HTRA1: variants seen among roughly 807,000 people sequenced by gnomAD.
HTRA1 encodes the protein HtrA serine peptidase 1, also known as serine protease HTRA1.
HTRA1 carries 26 observed loss-of-function variants against 49.7 expected under a neutral mutation model. The ratio of observed to expected loss-of-function variants is 0.52; its 90% CI spans 0.38 to 0.73. HTRA1 has a LOEUF of 0.73. HTRA1 is among the 30% of genes least tolerant of loss of function. HTRA1 has a pLI of 0.00. For synonymous variants in HTRA1, 291 were observed against 286.9 expected, an observed-to-expected ratio of 1.01 and a Z score of -0.14; for missense variants, 561 against 667.2, an observed-to-expected ratio of 0.84 and a Z score of 1.75.
At chr10:122,509,920 G>A (rs1055150238) in intron 6 of HTRA1, among the ~76,000 whole-genome samples, 176 bp from the exon 7 acceptor site, 2 of 152,166 alleles carry the variant, frequency 1.3e-5, no homozygotes, top group African/African-American at 2.4e-5. Context: ...GAAACAATGG[G>A]ACTTTCCCAA....
At chr10:122,486,872 TTG>T (rs753089216) in intron 1 of HTRA1, among the ~76,000 whole-genome samples, 1 of 151,904 alleles carries the variant, frequency 6.6e-6, no homozygotes, top group Admixed American at 6.6e-5. Context: ...ATGTGACAGT[TTG>T]TGTGTAAATG....
intron 3 of HTRA1, among the ~76,000 whole-genome samples, chr10:122,497,573 C>T (rs544337333): frequency 3.0e-4 from 45 of 152,186 alleles, no homozygotes; most frequent in East Asian, 1.2e-3. Flanking sequence ...CCATGACAGC[C>T]GGGAGATACA....
At chr10:122,471,011 T>G (rs531169406) in intron 1 of HTRA1, among the ~76,000 whole-genome samples, 1 of 152,240 alleles carries the variant, frequency 6.6e-6, no homozygotes, top group Admixed American at 6.5e-5. Flanking sequence ...GTCCAGAACA[T>G]CAGCATCCCA....
At chr10:122,478,391 G>GGTTTT (rs1565415429) in intron 1 of HTRA1, among the ~76,000 whole-genome samples, 1 of 36,700 alleles carries the variant, frequency 2.7e-5, no homozygotes, top group Non-Finnish European at 5.1e-5. Flanking sequence ...GAGTTTGACA[G>GGTTTT]ATTTTTTTTT....
intron 1 of HTRA1, among the ~76,000 whole-genome samples, chr10:122,484,641 G>A (rs116281947): frequency 0.01 from 1,572 of 152,306 alleles, 36 homozygotes; most frequent in African/African-American, 0.036. Context: ...TTCATATACA[G>A]TAGATCATGA....
intron 1 of HTRA1, among the ~76,000 whole-genome samples, chr10:122,474,989 C>G (rs1473936125): frequency 1.3e-5 from 2 of 152,184 alleles, no homozygotes; most frequent in Non-Finnish European, 2.9e-5. Context: ...GAAGAGGCAT[C>G]TTTTCCCAGT....
chr10:122,498,740 C>T (rs780074071), intron 3 of HTRA1, among the ~76,000 whole-genome samples: 7 of 152,224 alleles, frequency 4.6e-5, no homozygotes, highest in East Asian at 1.9e-4. Context: ...GCATGTGACC[C>T]GTGTACTCAC....
Position 122,489,493 on chromosome 10 carries a change from TC to T in HTRA1, c.645del (p.Ile215MetfsTer2). ...TTTATTGTGTCGGAAGATGGACTGA[TC>T]GTGACAAATGCCCACGTGGTGACCA... ...SGFIVSEDGL[I>X]VTNAHVVTNK... On this transcript the variant is annotated frameshift_variant, in exon 3 of 9. Coordinates refer to ENST00000368984, the MANE Select transcript of HTRA1 (RefSeq NM_002775.5). LOFTEE classifies it high-confidence loss of function. 6.2e-7 allele frequency: 1 copy of T among 1,614,190 alleles called. No individual in the cohort carries two copies.
rs565162637 is a variant in HTRA1, at chr10:122,461,796, G to A, written c.144G>A (p.Pro48=). The change falls in exon 1 of 9, where the codon CCG becomes CCA. Residue 48 remains proline, a synonymous_variant. Transcript: ENST00000368984. ...PDRCEPARCP[P]QPEHCEGGRA... Reference sequence around the variant, plus strand: ...GCTGCGAGCCGGCGCGCTGCCCGCCGCAGCCGGAGCACTGCGAGGGCGGCC... The same window carrying A: ...GCTGCGAGCCGGCGCGCTGCCCGCCACAGCCGGAGCACTGCGAGGGCGGCC... The A allele has an allele frequency of 9.5e-7, 1 of 1,054,600 alleles. No individual in the cohort carries two copies. The highest frequency in any genetic ancestry group is 5.4e-5 in the Admixed American group (1 of 18,468). The allele number at this position is 1,054,600 out of a possible 1,614,324, so 65.3% of individuals were successfully genotyped here. A position where few individuals can be genotyped will look rare whatever the true frequency, so the allele number is the denominator to read the frequency against.
intron 3 of HTRA1, among the ~76,000 whole-genome samples, chr10:122,491,597 G>A (rs1329486828): frequency 1.3e-5 from 2 of 152,214 alleles, no homozygotes; most frequent in Non-Finnish European, 2.9e-5. Context: ...GCTTCTGGCC[G>A]GGGGATATTC....
intron 2 of HTRA1, 104 bp from the exon 3 acceptor site, chr10:122,489,318 C>A (rs140044730): frequency 9.2e-7 from 1 of 1,089,752 alleles, no homozygotes; most frequent in Non-Finnish European, 1.4e-6. Flanking sequence ...TATAAAGGAG[C>A]GATGGCTAGG....
At chr10:122,501,391 A>G (rs1292689524) in intron 3 of HTRA1, among the ~76,000 whole-genome samples, 1 of 152,190 alleles carries the variant, frequency 6.6e-6, no homozygotes, top group East Asian at 1.9e-4. Flanking sequence ...ACAAGCAAAC[A>G]AACAAACAAA....
rs1419901363 is a variant in HTRA1, at chr10:122,510,666, T to G, written c.1178+513T>G. ...CCCGAGCTGGTGGAATTGCGGCCTG[T>G]GGTTGGCAGGCTCATGGCATCCTGG... On this transcript the variant is annotated intron_variant, in intron 7 of 8. Transcript: ENST00000368984. Among the ~76,000 whole-genome samples the G allele has an allele frequency of 2.0e-5, 3 of 152,254 alleles. No homozygotes were observed. The East Asian group carries it at 5.8e-4, about 29-fold the overall frequency.
rs574598446 is a variant in HTRA1 at position 122,486,764 on chromosome 10, C to G, written c.473-2138C>G. On this transcript the variant is annotated intron_variant, in intron 1 of 8. Transcript: ENST00000368984. Reference sequence around the variant, plus strand: ...CGTGTGTGTGTGTGTGTGTATGCGTCTGTATGTATGTGTGCATTTGCATGT... The same window carrying G: ...CGTGTGTGTGTGTGTGTGTATGCGTGTGTATGTATGTGTGCATTTGCATGT... 1.6e-4 allele frequency among the ~76,000 whole-genome samples: 24 copies of G among 151,582 alleles called. No homozygotes were observed. In the South Asian group the frequency reaches 4.6e-3, roughly 29 times the overall value.
At chr10:122,475,599 T>C (rs1215732769) in intron 1 of HTRA1, among the ~76,000 whole-genome samples, 1 of 152,272 alleles carries the variant, frequency 6.6e-6, no homozygotes, top group Non-Finnish European at 1.5e-5. Context: ...TGTCTTTCCT[T>C]AGATTTGCAG....
chr10:122,462,347 C>A (rs2097481873), intron 1 of HTRA1, among the ~76,000 whole-genome samples: 1 of 152,264 alleles, frequency 6.6e-6, no homozygotes, highest in Non-Finnish European at 1.5e-5. Flanking sequence ...CAGACGATGC[C>A]AGTACGCCCG....
intron 6 of HTRA1, among the ~76,000 whole-genome samples, chr10:122,509,432 G>A (rs78638012): frequency 0.024 from 3,614 of 152,282 alleles, 70 homozygotes; most frequent in Middle Eastern, 0.051. Context: ...GCAGGGATGT[G>A]GGGGGAACAC....
chr10:122,473,128 G>C (rs573779230), intron 1 of HTRA1, among the ~76,000 whole-genome samples: 1 of 152,302 alleles, frequency 6.6e-6, no homozygotes, highest in African/African-American at 2.4e-5. Context: ...TCTTAGAGTT[G>C]AGCAATGTTT....
At chr10:122,465,840 C>T (rs1565407028) in intron 1 of HTRA1, among the ~76,000 whole-genome samples, 1 of 152,186 alleles carries the variant, frequency 6.6e-6, no homozygotes, top group South Asian at 2.1e-4. Flanking sequence ...AAAGACCAGC[C>T]GGGATTCCGG....
Sources: allele counts gnomAD v4.1 joint callset (sites outside exome capture counted in the v4.1 genomes callset), GRCh38; gene constraint gnomAD v4.1.1; transcripts MANE v1.5; gene names NCBI Gene and HGNC (gene_info 2026-07-23, HGNC 2026-07-21).